EPHB1: variants seen among roughly 807,000 people sequenced by gnomAD.
EPHB1 encodes ephrin type-B receptor 1.
A neutral mutation model predicts 94.4 loss-of-function variants in EPHB1; 30 were observed. The observed-to-expected ratio is 0.32, with a 90% CI of 0.24 to 0.43. EPHB1 has a LOEUF of 0.43. Ranked by LOEUF, EPHB1 falls within the 20% of genes least tolerant of loss-of-function variation. EPHB1 has a pLI of 1.00. For missense variants in EPHB1, 1,055 were observed against 1,308.3 expected (o/e 0.81, Z 2.99); for synonymous variants, 522 against 489.1 (o/e 1.07, Z -0.89).
At chr3:134,943,548 T>C (rs2039161740) in intron 2 of EPHB1, among the ~76,000 whole-genome samples, 1 of 152,066 alleles carries the variant, frequency 6.6e-6, no homozygotes, top group Non-Finnish European at 1.5e-5. Context: ...TTTTTGGCCT[T>C]TTGAATACCC....
intron 3 of EPHB1, among the ~76,000 whole-genome samples, chr3:135,076,216 A>G (rs978798459): frequency 7.4e-6 from 1 of 135,732 alleles, no homozygotes; most frequent in Non-Finnish European, 1.5e-5. Context: ...ATATTTGTAT[A>G]TCATTTATCT....
chr3:135,033,047 G>C (rs1936532714), intron 3 of EPHB1, among the ~76,000 whole-genome samples: 1 of 152,204 alleles, frequency 6.6e-6, no homozygotes, highest in African/African-American at 2.4e-5. Context: ...GTTTGAGTCA[G>C]AGCTTTGAGT....
At chr3:134,903,228 G>A (rs943391910) in intron 1 of EPHB1, among the ~76,000 whole-genome samples, 2 of 152,250 alleles carry the variant, frequency 1.3e-5, no homozygotes, top group Non-Finnish European at 2.9e-5. Context: ...ACAACAAAGA[G>A]CTTATCTGGA....
chr3:135,173,546 G>T (rs1435745859), intron 9 of EPHB1, among the ~76,000 whole-genome samples: 2 of 152,168 alleles, frequency 1.3e-5, no homozygotes, highest in Admixed American at 1.3e-4. Context: ...TCAAGCACTG[G>T]CTGGGCACCC....
chr3:135,169,218 A>G (rs1168714531), intron 9 of EPHB1, among the ~76,000 whole-genome samples: 1 of 152,206 alleles, frequency 6.6e-6, no homozygotes, highest in Non-Finnish European at 1.5e-5. Flanking sequence ...ACCAATCCTC[A>G]GTCTGCAGTA....
chr3:135,243,134 G>A (rs912674738), intron 13 of EPHB1, among the ~76,000 whole-genome samples: 4 of 150,424 alleles, frequency 2.7e-5, no homozygotes, highest in Admixed American at 2.6e-4. Flanking sequence ...ATCTTATCCT[G>A]CCCAAGACCT....
At position 135,038,552 on chromosome 3, in the gene EPHB1, G is replaced by A. The variant is rs563627078; in HGVS notation, c.806-67896G>A. On this transcript the variant is annotated intron_variant, in intron 3 of 15. Transcript: ENST00000398015. The stretch of plus-strand genomic sequence containing the variant: ...TGGCTCCTTGAGGCCCCCTATGTCC[G>A]GAATTGGTGGGTTCTTGGTCTCACT... Among the ~76,000 whole-genome samples the A allele has an allele frequency of 3.1e-3, 476 of 152,270 alleles. 4 individuals are homozygous for A. The highest frequency in any genetic ancestry group is 0.011 in the African/African-American group (453 of 41,568).
At chr3:134,861,112 A>G (rs2037247076) in intron 1 of EPHB1, among the ~76,000 whole-genome samples, 1 of 152,190 alleles carries the variant, frequency 6.6e-6, no homozygotes, top group South Asian at 2.1e-4. Context: ...GGCTAGGTCT[A>G]CAGATGTTGG....
chr3:135,113,598 G>A (rs749759283), intron 4 of EPHB1, among the ~76,000 whole-genome samples: 2 of 152,110 alleles, frequency 1.3e-5, no homozygotes, highest in Non-Finnish European at 2.9e-5. Flanking sequence ...GCAGGGCAGC[G>A]TCACTCCATT....
chr3:134,926,029 C>A (rs1578202519), intron 2 of EPHB1, 149 bp downstream of exon 2: 2 of 649,700 alleles, frequency 3.1e-6, no homozygotes, highest in East Asian at 3.1e-5. Flanking sequence ...CATGCAAAGA[C>A]AGCACCAGGG....
chr3:135,082,006 G>A (rs961165129), intron 3 of EPHB1, among the ~76,000 whole-genome samples: 43 of 151,814 alleles, frequency 2.8e-4, no homozygotes, highest in Admixed American at 5.9e-4. Context: ...CAAGCAGAAG[G>A]CCCAGGCTGG....
intron 1 of EPHB1, among the ~76,000 whole-genome samples, chr3:134,917,177 C>G (rs1182610720): frequency 1.3e-5 from 2 of 152,176 alleles, no homozygotes; most frequent in Admixed American, 1.3e-4. Context: ...AGTTTCTTGT[C>G]ATGTTTCTCA....
At chr3:134,917,716 G>C (rs1317229812) in intron 1 of EPHB1, among the ~76,000 whole-genome samples, 1 of 152,208 alleles carries the variant, frequency 6.6e-6, no homozygotes, top group Non-Finnish European at 1.5e-5. Context: ...TCAGCAGATG[G>C]GTTGGGTTGG....
intron 4 of EPHB1, among the ~76,000 whole-genome samples, chr3:135,127,167 G>A (rs887296149): frequency 3.3e-5 from 5 of 152,210 alleles, no homozygotes; most frequent in African/African-American, 1.2e-4. Context: ...CTTGGTTACT[G>A]TGAACACTTA....
At chr3:135,151,274 T>C (rs1352234221) in intron 5 of EPHB1, among the ~76,000 whole-genome samples, 1 of 152,142 alleles carries the variant, frequency 6.6e-6, no homozygotes, top group Non-Finnish European at 1.5e-5. Flanking sequence ...GAAGCCAAAC[T>C]CCTTCTAGTG....
Position 135,208,160 on chromosome 3 carries a change from C to A in EPHB1, c.2346+6471C>A, listed in dbSNP as rs533546229. On this transcript the variant is annotated intron_variant, in intron 12 of 15. Coordinates refer to ENST00000398015, the MANE Select transcript of EPHB1 (RefSeq NM_004441.5). ...AGATGGAGTGGAACTGAGAAGGGAC[C>A]CCTGTTTAGGGCATTTGGAGATTTA... 4.6e-5 allele frequency among the ~76,000 whole-genome samples: 7 copies of A among 152,238 alleles called. No homozygotes were observed. The East Asian group carries it at 1.4e-3, about 29-fold the overall frequency.
intron 4 of EPHB1, among the ~76,000 whole-genome samples, chr3:135,107,324 G>A (rs111878471): frequency 0.026 from 3,980 of 152,254 alleles, 158 homozygotes; most frequent in African/African-American, 0.087. Context: ...CTCTGGATAG[G>A]GATGTGAGAA....
chr3:134,864,506 G>T (rs1195275746), intron 1 of EPHB1, among the ~76,000 whole-genome samples: 3 of 151,948 alleles, frequency 2.0e-5, no homozygotes, highest in Non-Finnish European at 4.4e-5. Flanking sequence ...ATTCTGTTTT[G>T]CCCTGTCTCC....
At chr3:134,879,402 C>T (rs913327894) in intron 1 of EPHB1, among the ~76,000 whole-genome samples, 3 of 151,924 alleles carry the variant, frequency 2.0e-5, no homozygotes, top group Admixed American at 6.6e-5. Flanking sequence ...TTTGGGAGGC[C>T]GAGGTGGGTG....
Sources: gnomAD v4.1 joint callset for allele counts (sites outside exome capture counted in the v4.1 genomes callset) on GRCh38, gnomAD v4.1.1 for gene constraint, MANE v1.5 for transcripts, NCBI Gene and HGNC (gene_info 2026-07-23, HGNC 2026-07-21) for gene names.